PMVK: variants seen among roughly 807,000 people sequenced by gnomAD.
PMVK encodes the protein phosphomevalonate kinase, also known as testis tissue sperm-binding protein Li 95mP.
A neutral mutation model predicts 19.0 loss-of-function variants in PMVK; 10 were observed. The observed-to-expected ratio is 0.53, with a 90% CI of 0.32 to 0.89. PMVK has a LOEUF of 0.89. PMVK is among the 40% of genes least tolerant of loss of function. The pLI is 0.03. For missense variants in PMVK, 222 were observed against 251.1 expected, an observed-to-expected ratio of 0.88 and a Z score of 0.78; for synonymous variants, 108 against 101.6, an observed-to-expected ratio of 1.06 and a Z score of -0.38.
intron 1 of PMVK, 97 bp downstream of exon 1, chr1:154,936,494 C>T (rs1057392152): frequency 1.3e-5 from 19 of 1,517,800 alleles, no homozygotes; most frequent in Non-Finnish European, 5.3e-6. Flanking sequence ...AAACGGACGA[C>T]CCGTACTCCA....
chr1:154,928,418 A>G (rs1654234900), intron 3 of PMVK, among the ~76,000 whole-genome samples: 1 of 152,222 alleles, frequency 6.6e-6, no homozygotes, highest in African/African-American at 2.4e-5. Flanking sequence ...CATGAGCACA[A>G]TGGGAAGCCA....
chr1:154,932,439 C>A, intron 1 of PMVK, 24 bp from the exon 2 acceptor site: 2 of 1,570,622 alleles, frequency 1.3e-6, no homozygotes, highest in African/African-American at 1.4e-5. Context: ...AGATCAGAAT[C>A]CAGTTAGCCT....
At chr1:154,931,249 G>A (rs1654326570) in intron 2 of PMVK, among the ~76,000 whole-genome samples, 1 of 152,028 alleles carries the variant, frequency 6.6e-6, no homozygotes, top group Non-Finnish European at 1.5e-5. Flanking sequence ...ATGTGGTTCC[G>A]GAAACCACAC....
upstream of PMVK, among the ~76,000 whole-genome samples, chr1:154,939,722 AG>A (rs1480950875): frequency 4.0e-5 from 6 of 150,176 alleles, no homozygotes; most frequent in Non-Finnish European, 7.4e-5. Flanking sequence ...AAAAAAAAAA[AG>A]AAAGAAAAGT....
rs1220262896 is a variant in PMVK at position 154,929,017 on chromosome 1, C to T, written c.312+7G>A. ...GTGTTCTTCATGCTGCCATGGAGCC[C>T]TCTTACCCAGATGGGCTGGGAGATG... On this transcript the variant is annotated splice_region_variant and intron_variant, in intron 3 of 4. Coordinates refer to ENST00000368467, the MANE Select transcript of PMVK (RefSeq NM_006556.4). 2 of 1,613,518 alleles carry T rather than the reference C, an allele frequency of 1.2e-6. No homozygotes were observed. Among genetic ancestry groups the T allele is most frequent in the Non-Finnish European group, 1.7e-6 (2 of 1,179,660 alleles).
At chr1:154,925,372 T>A in intron 4 of PMVK, 107 bp from the exon 5 acceptor site, 1 of 1,222,840 alleles carries the variant, frequency 8.2e-7, no homozygotes, top group Non-Finnish European at 1.2e-6. Context: ...TCTCCTCTGC[T>A]ACCCTAGAGC....
chr1:154,933,101 C>G (rs1571383629), intron 1 of PMVK, among the ~76,000 whole-genome samples: 1 of 151,832 alleles, frequency 6.6e-6, no homozygotes, highest in Non-Finnish European at 1.5e-5. Context: ...AGAGTGAGAC[C>G]CTGTCTCATA....
chr1:154,941,963 G>A, the PMVK span, among the ~76,000 whole-genome samples: 1 of 152,144 alleles, frequency 6.6e-6, no homozygotes, highest in South Asian at 2.1e-4. Context: ...AAGAATGAGA[G>A]ATAAGGACGG....
Position 154,924,931 on chromosome 1 carries a change from G to A in PMVK, c.*198C>T, listed in dbSNP as rs1046856. The A allele has an allele frequency of 3.4e-5, 21 of 610,690 alleles. No homozygotes were observed. In the South Asian group the frequency reaches 3.5e-4, roughly 10 times the overall value. The allele number at this position is 610,690 out of a possible 1,614,324, so 37.8% of individuals were successfully genotyped here. A position where few individuals can be genotyped will look rare whatever the true frequency, so the allele number is the denominator to read the frequency against. On this transcript the variant is annotated 3_prime_UTR_variant, in exon 5 of 5. Coordinates refer to ENST00000368467, the MANE Select transcript of PMVK (RefSeq NM_006556.4). ...TTTGCCCTTGGAGTCTCCTCCTGAA[G>A]AGCATGGCTGTCTTCCCCATGGAGA...
intron 1 of PMVK, among the ~76,000 whole-genome samples, chr1:154,934,736 C>T (rs1654448366): frequency 6.6e-6 from 1 of 152,096 alleles, no homozygotes; most frequent in South Asian, 2.1e-4. Context: ...CACAACCACC[C>T]TATTATCATC....
intron 1 of PMVK, 183 bp downstream of exon 1, chr1:154,936,408 G>A: frequency 1.0e-6 from 1 of 985,368 alleles, no homozygotes; most frequent in Non-Finnish European, 1.2e-6. Flanking sequence ...CTTCTTTGAG[G>A]CTCGCCTGTG....
chr1:154,932,412 A>G lies in PMVK; in HGVS notation c.99T>C (p.Leu33=), dbSNP rs2101971159. ...GGAGGACAGCACAGACATCAGCTCC[A>G]AGTCTGCAGGACAGGGAGATCAGAA... ...DFVTEALQSR[L]GADVCAVLRL... Residue 33 remains leucine (L), a synonymous_variant, in exon 2 of 5, where the codon CTT becomes CTC. Transcript: ENST00000368467. The G allele has an allele frequency of 6.2e-7, 1 of 1,609,348 alleles. No individual in the cohort carries two copies. The highest frequency in any genetic ancestry group is 1.1e-5 in the South Asian group (1 of 90,642).
intron 3 of PMVK, among the ~76,000 whole-genome samples, 181 bp from the exon 4 acceptor site, chr1:154,926,664 G>A (rs1278337540): frequency 6.6e-6 from 1 of 152,180 alleles, no homozygotes; most frequent in Non-Finnish European, 1.5e-5. Flanking sequence ...ACACCACTGA[G>A]TGCTGACTAC....
At chr1:154,939,590 C>T (rs1237830674), upstream of PMVK, among the ~76,000 whole-genome samples, 2 of 150,918 alleles carry the variant, frequency 1.3e-5, no homozygotes, top group East Asian at 1.9e-4. Context: ...CAGCTACACT[C>T]GGGAGGCTGA....
chr1:154,941,376 G>T (rs1297477725), upstream of PMVK, among the ~76,000 whole-genome samples: 2 of 152,188 alleles, frequency 1.3e-5, no homozygotes. Flanking sequence ...CTTAACAAGG[G>T]GCTTCTGTGG....
At chr1:154,928,921 T>G (rs1571379858) in intron 3 of PMVK, 103 bp downstream of exon 3, 2 of 1,152,976 alleles carry the variant, frequency 1.7e-6, no homozygotes. Flanking sequence ...CCAGAAATGG[T>G]GGGGGCTTGG....
At chr1:154,933,388 G>A (rs1355785940) in intron 1 of PMVK, among the ~76,000 whole-genome samples, 2 of 150,400 alleles carry the variant, frequency 1.3e-5, no homozygotes, top group African/African-American at 2.4e-5. Flanking sequence ...AGCCGAGATC[G>A]CCCCATTGCA....
the PMVK span, among the ~76,000 whole-genome samples, chr1:154,942,545 G>A: frequency 6.6e-6 from 1 of 152,260 alleles, no homozygotes; most frequent in Non-Finnish European, 1.5e-5. Context: ...AGCAGCCAAT[G>A]TCACTGGCAT....
intron 2 of PMVK, among the ~76,000 whole-genome samples, chr1:154,931,372 C>T (rs1654329707): frequency 6.6e-6 from 1 of 152,184 alleles, no homozygotes; most frequent in African/African-American, 2.4e-5. Context: ...ATCTTGCCTT[C>T]CAAGTTCCCT....
Sources: gnomAD v4.1 joint callset for allele counts (sites outside exome capture counted in the v4.1 genomes callset) on GRCh38, gnomAD v4.1.1 for gene constraint, MANE v1.5 for transcripts, NCBI Gene and HGNC (gene_info 2026-07-23, HGNC 2026-07-21) for gene names.